ACOXL: variants seen among roughly 807,000 people sequenced by gnomAD.
ACOXL encodes acyl-CoA oxidase like.
A neutral mutation model predicts 71.9 loss-of-function variants in ACOXL; 70 were observed. The ratio of observed to expected loss-of-function variants is 0.97; its 90% CI spans 0.80 to 1.19. ACOXL has a LOEUF of 1.19. Ranked by LOEUF, ACOXL falls within the 50% of genes most tolerant of loss-of-function variation. The probability of loss-of-function intolerance (pLI) is 0.00; values close to 1 mark genes in which losing one functional copy is unlikely to be tolerated. For missense variants in ACOXL, 703 were observed against 736.3 expected (o/e 0.95, Z 0.52); for synonymous variants, 253 against 281.6 (o/e 0.90, Z 1.02).
At chr2:111,045,283 G>T (rs1051763621) in intron 15 of ACOXL, among the ~76,000 whole-genome samples, 4 of 152,208 alleles carry the variant, frequency 2.6e-5, no homozygotes, top group African/African-American at 7.2e-5. Context: ...TCATTTTGAG[G>T]TTTTTTCCTC....
At chr2:110,966,743 G>C (rs979455943) in intron 12 of ACOXL, among the ~76,000 whole-genome samples, 1 of 152,202 alleles carries the variant, frequency 6.6e-6, no homozygotes, top group African/African-American at 2.4e-5. Flanking sequence ...GAGGCACAAT[G>C]AGGTGGTGGG....
chr2:110,977,107 C>A (rs981838168), intron 12 of ACOXL, among the ~76,000 whole-genome samples: 1 of 152,098 alleles, frequency 6.6e-6, no homozygotes, highest in African/African-American at 2.4e-5. Flanking sequence ...TCTCTCCCGG[C>A]TGGGCATGGT....
chr2:110,836,443 CTT>C (rs1287068434), intron 9 of ACOXL, among the ~76,000 whole-genome samples: 1 of 151,460 alleles, frequency 6.6e-6, no homozygotes. Context: ...CCATGGCTCT[CTT>C]TGAGTGGTAT....
chr2:111,011,767 C>G (rs2064171492), intron 14 of ACOXL, among the ~76,000 whole-genome samples: 1 of 151,324 alleles, frequency 6.6e-6, no homozygotes, highest in African/African-American at 2.4e-5. Context: ...AGCTGTTATC[C>G]CAGCTATTTG....
intron 10 of ACOXL, among the ~76,000 whole-genome samples, chr2:110,870,106 G>A (rs774232713): frequency 6.6e-6 from 1 of 152,240 alleles, no homozygotes; most frequent in African/African-American, 2.4e-5. Flanking sequence ...AATTAGGGCT[G>A]TTCCCTTGGT....
chr2:110,749,070 T>C (rs2104779220), intron 1 of ACOXL, among the ~76,000 whole-genome samples: 1 of 152,326 alleles, frequency 6.6e-6, no homozygotes, highest in Non-Finnish European at 1.5e-5. Context: ...CTACCTGGAA[T>C]CATTCTGTGG....
chr2:111,026,070 A>C (rs192967307), intron 14 of ACOXL, among the ~76,000 whole-genome samples: 1 of 152,186 alleles, frequency 6.6e-6, no homozygotes, highest in East Asian at 1.9e-4. Flanking sequence ...AGTAGACCAT[A>C]TACATATGTG....
chr2:110,908,619 T>G (rs186867065), intron 10 of ACOXL, among the ~76,000 whole-genome samples, 170 bp from the exon 11 acceptor site: 3 of 152,356 alleles, frequency 2.0e-5, no homozygotes, highest in Non-Finnish European at 4.4e-5. Context: ...CTGTTGGGCT[T>G]TCCTCAGAAA....
intron 17 of ACOXL, among the ~76,000 whole-genome samples, chr2:111,114,816 T>C (rs1050467056): frequency 2.6e-5 from 4 of 151,788 alleles, no homozygotes; most frequent in African/African-American, 9.7e-5. Flanking sequence ...AAAAATAAAT[T>C]GAGTACTGCA....
intron 7 of ACOXL, 26 bp from the exon 8 acceptor site, chr2:110,801,626 C>G (rs1292834624): frequency 6.3e-7 from 1 of 1,598,874 alleles, no homozygotes; most frequent in Admixed American, 1.7e-5. Context: ...GATGCTGCAT[C>G]CATTTCCCCT....
chr2:110,906,976 A>G (rs1034270723), intron 10 of ACOXL, among the ~76,000 whole-genome samples: 2 of 152,272 alleles, frequency 1.3e-5, no homozygotes, highest in African/African-American at 4.8e-5. Context: ...CACAGCATGT[A>G]AAAATGGAAG....
At chr2:110,863,276 T>C (rs1694172982) in intron 10 of ACOXL, among the ~76,000 whole-genome samples, 1 of 152,122 alleles carries the variant, frequency 6.6e-6, no homozygotes, top group South Asian at 2.1e-4. Context: ...TCATGTAGAG[T>C]TTTTAATAAC....
intron 1 of ACOXL, among the ~76,000 whole-genome samples, chr2:110,734,874 T>G (rs1676641380): frequency 1.6e-5 from 1 of 64,014 alleles, no homozygotes; most frequent in Admixed American, 2.1e-4. Flanking sequence ...TGTCCTGGAT[T>G]TTTTTTTCCC....
intron 10 of ACOXL, among the ~76,000 whole-genome samples, chr2:110,866,723 CTG>C (rs899932665): frequency 1.3e-5 from 2 of 152,156 alleles, no homozygotes; most frequent in African/African-American, 4.8e-5. Context: ...TTGTCTGTCT[CTG>C]TATTCACTTG....
chr2:111,031,180 A>G (rs926094815), intron 14 of ACOXL, among the ~76,000 whole-genome samples: 9 of 152,344 alleles, frequency 5.9e-5, no homozygotes, highest in Non-Finnish European at 1.0e-4. Flanking sequence ...TTCTTGAGAC[A>G]TAACATGTTT....
intron 14 of ACOXL, among the ~76,000 whole-genome samples, chr2:111,017,652 T>C (rs1171788785): frequency 6.6e-6 from 1 of 152,168 alleles, no homozygotes; most frequent in African/African-American, 2.4e-5. Flanking sequence ...CTGGGGGCAG[T>C]GCTAACTCCA....
intron 11 of ACOXL, among the ~76,000 whole-genome samples, chr2:110,909,853 A>G (rs1408475728): frequency 6.6e-6 from 1 of 151,670 alleles, no homozygotes; most frequent in African/African-American, 2.4e-5. Context: ...CAGTGTTCCA[A>G]GGTGCAAGGA....
At chr2:110,908,457 A>G (rs2059537342) in intron 10 of ACOXL, among the ~76,000 whole-genome samples, 1 of 152,190 alleles carries the variant, frequency 6.6e-6, no homozygotes, top group South Asian at 2.1e-4. Context: ...AAATTTAGCA[A>G]AGCTGAATAA....
At chr2:111,116,683 C>G (rs187544230) in intron 17 of ACOXL, among the ~76,000 whole-genome samples, 6 of 152,112 alleles carry the variant, frequency 3.9e-5, no homozygotes, top group Admixed American at 3.9e-4. Flanking sequence ...GGGAGTGAAA[C>G]AAATTTACCA....
Sources: gnomAD v4.1 joint callset for allele counts (sites outside exome capture counted in the v4.1 genomes callset) on GRCh38, gnomAD v4.1.1 for gene constraint, MANE v1.5 for transcripts, NCBI Gene and HGNC (gene_info 2026-07-23, HGNC 2026-07-21) for gene names.